AGFG1: variants seen among roughly 807,000 people sequenced by gnomAD.
AGFG1 encodes arf-GAP domain and FG repeat-containing protein 1.
A neutral mutation model predicts 60.6 loss-of-function variants in AGFG1; 10 were observed. That is an observed-to-expected ratio of 0.16 (90% CI 0.10 to 0.28). The LOEUF (loss-of-function observed/expected upper bound fraction) is 0.28, where lower values mean the gene tolerates loss of function less well. Ranked by LOEUF, AGFG1 falls within the 10% of genes least tolerant of loss-of-function variation. The pLI is 1.00. For missense variants in AGFG1, 537 were observed against 676.5 expected, an observed-to-expected ratio of 0.79 and a Z score of 2.29; for synonymous variants, 247 against 242.9, an observed-to-expected ratio of 1.02 and a Z score of -0.16.
At chr2:227,550,595 G>A (rs1399728461) in intron 10 of AGFG1, among the ~76,000 whole-genome samples, 1 of 152,068 alleles carries the variant, frequency 6.6e-6, no homozygotes, top group Non-Finnish European at 1.5e-5. Context: ...TAATTCACCT[G>A]CTTCCCAATG....
At chr2:227,506,967 A>G (rs555864405) in intron 2 of AGFG1, among the ~76,000 whole-genome samples, 1 of 152,238 alleles carries the variant, frequency 6.6e-6, no homozygotes, top group East Asian at 1.9e-4. Context: ...GGAAAGATCC[A>G]CTATTTCATA....
rs553656705 is a variant in AGFG1, at chr2:227,556,372, G to A, written c.*1877G>A. The A allele has an allele frequency of 4.6e-5, 7 of 152,772 alleles. No homozygotes were observed. The South Asian group carries it at 1.4e-3, about 32-fold the overall frequency. The allele number at this position is 152,772 out of a possible 1,614,324, so 9.5% of individuals were successfully genotyped here. On this transcript the variant is annotated 3_prime_UTR_variant, in exon 13 of 13. Transcript: ENST00000310078. ...TTATCTAAACCGTTTTAATAAGCAA[G>A]ATGACTGGGAAATCTCTGCCCCTTT...
intron 1 of AGFG1, among the ~76,000 whole-genome samples, chr2:227,476,227 C>T (rs58343592): frequency 0.05 from 7,616 of 152,190 alleles, 234 homozygotes; most frequent in African/African-American, 0.084. Flanking sequence ...ATTGGTTTGT[C>T]ACTATCTTTC....
chr2:227,521,970 A>G (rs182422666), intron 3 of AGFG1, among the ~76,000 whole-genome samples: 13 of 152,326 alleles, frequency 8.5e-5, no homozygotes, highest in Admixed American at 5.9e-4. Flanking sequence ...GTATGTTTTT[A>G]ATCCAGACTG....
chr2:227,478,136 G>A (rs1306161884), intron 1 of AGFG1, among the ~76,000 whole-genome samples: 1 of 92,868 alleles, frequency 1.1e-5, no homozygotes, highest in Non-Finnish European at 2.4e-5. Context: ...TAATTCTCGT[G>A]CTATTTTTTA....
chr2:227,543,246 G>T (rs1404309761), intron 10 of AGFG1, among the ~76,000 whole-genome samples: 1 of 152,036 alleles, frequency 6.6e-6, no homozygotes, highest in South Asian at 2.1e-4. Context: ...TAATTGTGAT[G>T]TTAGGGTGTT....
intron 1 of AGFG1, among the ~76,000 whole-genome samples, chr2:227,472,958 G>T (rs12999532): frequency 0.57 from 80,211 of 140,236 alleles, 22,201 homozygotes; most frequent in South Asian, 0.66. Flanking sequence ...GCCGGGCTGT[G>T]GGGGGTGGGG....
intron 2 of AGFG1, among the ~76,000 whole-genome samples, chr2:227,492,055 G>C (rs567504778): frequency 6.6e-6 from 1 of 152,060 alleles, no homozygotes; most frequent in African/African-American, 2.4e-5. Context: ...TTTAACTTTG[G>C]ACGTGTAGGT....
intron 2 of AGFG1, among the ~76,000 whole-genome samples, chr2:227,492,058 G>A (rs1417070492): frequency 2.6e-5 from 4 of 152,224 alleles, no homozygotes; most frequent in East Asian, 1.9e-4. Flanking sequence ...AACTTTGGAC[G>A]TGTAGGTGAT....
At chr2:227,529,690 T>C (rs1405431698) in intron 5 of AGFG1, among the ~76,000 whole-genome samples, 1 of 152,158 alleles carries the variant, frequency 6.6e-6, no homozygotes, top group Non-Finnish European at 1.5e-5. Flanking sequence ...TCCCAAAACC[T>C]GTGCACTGTA....
At chr2:227,508,642 C>T (rs1033538260) in intron 2 of AGFG1, 7 of 468,460 alleles carry the variant, frequency 1.5e-5, no homozygotes, top group East Asian at 1.4e-4. Flanking sequence ...CTTTAAGAGG[C>T]GTCACAAAGT....
At chr2:227,520,474 G>A (rs562495491) in intron 3 of AGFG1, among the ~76,000 whole-genome samples, 1 of 152,162 alleles carries the variant, frequency 6.6e-6, no homozygotes, top group Non-Finnish European at 1.5e-5. Flanking sequence ...TAAAGCTCTG[G>A]TGTAGTAATC....
intron 2 of AGFG1, among the ~76,000 whole-genome samples, chr2:227,500,095 T>C (rs548428063): frequency 6.6e-6 from 1 of 152,208 alleles, no homozygotes; most frequent in South Asian, 2.1e-4. Context: ...GGGTACGTTA[T>C]GAGCTGGTAA....
chr2:227,478,552 C>A (rs958042699), intron 1 of AGFG1, among the ~76,000 whole-genome samples: 1 of 152,130 alleles, frequency 6.6e-6, no homozygotes, highest in Non-Finnish European at 1.5e-5. Flanking sequence ...CCAGGCTGAT[C>A]TCCAACTCCT....
At chr2:227,479,807 A>T (rs1321654970) in intron 1 of AGFG1, among the ~76,000 whole-genome samples, 1 of 152,210 alleles carries the variant, frequency 6.6e-6, no homozygotes, top group African/African-American at 2.4e-5. Flanking sequence ...TCCTTGTGAC[A>T]TTTTTTACAA....
intron 2 of AGFG1, among the ~76,000 whole-genome samples, chr2:227,511,959 G>A (rs1395510290): frequency 6.6e-6 from 1 of 152,176 alleles, no homozygotes; most frequent in East Asian, 1.9e-4. Flanking sequence ...GGGCTAATCA[G>A]GGGTCACATT....
At chr2:227,531,516 T>A (rs1002282666) in intron 6 of AGFG1, among the ~76,000 whole-genome samples, 2 of 135,636 alleles carry the variant, frequency 1.5e-5, no homozygotes, top group Non-Finnish European at 3.1e-5. Flanking sequence ...TATTTCTCTC[T>A]CTCTGTCTCT....
intron 11 of AGFG1, 97 bp downstream of exon 11, chr2:227,552,214 A>G (rs540506834): frequency 1.9e-5 from 27 of 1,397,054 alleles, no homozygotes; most frequent in Non-Finnish European, 2.5e-5. Flanking sequence ...TCTAAAGAAT[A>G]CTATAGTATT....
At chr2:227,546,579 A>C (rs1003601587) in intron 10 of AGFG1, among the ~76,000 whole-genome samples, 17 of 152,180 alleles carry the variant, frequency 1.1e-4, no homozygotes, top group Non-Finnish European at 1.5e-5. Flanking sequence ...TCACGCTGGG[A>C]GCTGTAGACT....
Sources: allele counts gnomAD v4.1 joint callset (sites outside exome capture counted in the v4.1 genomes callset), GRCh38; gene constraint gnomAD v4.1.1; transcripts MANE v1.5; gene names NCBI Gene and HGNC (gene_info 2026-07-23, HGNC 2026-07-21).